Variants in PMFBP1 observed in about 807,000 individuals in gnomAD.
PMFBP1 encodes the protein polyamine-modulated factor 1-binding protein 1.
Under a neutral mutation model 137.8 loss-of-function variants are expected in PMFBP1, and 131 were observed. That is an observed-to-expected ratio of 0.95 (90% confidence interval 0.82 to 1.10). The LOEUF (loss-of-function observed/expected upper bound fraction) is 1.10. Ranked by LOEUF, PMFBP1 falls within the 50% of genes least tolerant of loss-of-function variation. The probability of loss-of-function intolerance (pLI) is 0.00; values close to 1 mark genes in which losing one functional copy is unlikely to be tolerated. For missense variants in PMFBP1, 1,199 were observed against 1,175.4 expected (o/e 1.02, Z -0.29); for synonymous variants, 490 against 450.4 (o/e 1.09, Z -1.11).
the PMFBP1 span, among the ~76,000 whole-genome samples, chr16:72,190,342 A>G: frequency 6.6e-6 from 1 of 152,198 alleles, no homozygotes; most frequent in Non-Finnish European, 1.5e-5. Flanking sequence ...GAGTGTGGAC[A>G]GCCAGCTCGT....
the PMFBP1 span, among the ~76,000 whole-genome samples, chr16:72,241,074 T>C: frequency 6.6e-6 from 1 of 152,146 alleles, no homozygotes; most frequent in Non-Finnish European, 1.5e-5. Flanking sequence ...AAAGAAGATA[T>C]GTAGGTATTT....
the PMFBP1 span, among the ~76,000 whole-genome samples, chr16:72,199,379 T>A: frequency 6.6e-6 from 1 of 152,104 alleles, no homozygotes; most frequent in Non-Finnish European, 1.5e-5. Context: ...TGTGGCTGGG[T>A]GCGGTGGCTC....
intron 3 of PMFBP1, among the ~76,000 whole-genome samples, chr16:72,160,535 C>T (rs966991546): frequency 2.0e-5 from 3 of 152,012 alleles, no homozygotes; most frequent in Non-Finnish European, 4.4e-5. Flanking sequence ...TTCTAGTTTG[C>T]GCTGACTAGG....
chr16:72,165,358 A>G (rs1009299614), intron 2 of PMFBP1, among the ~76,000 whole-genome samples: 2 of 151,740 alleles, frequency 1.3e-5, no homozygotes, highest in African/African-American at 2.4e-5. Flanking sequence ...TTTCTCTTCT[A>G]CCCACTAGAC....
chr16:72,122,242 G>C (rs1293585947), intron 19 of PMFBP1, among the ~76,000 whole-genome samples: 1 of 152,174 alleles, frequency 6.6e-6, no homozygotes, highest in Non-Finnish European at 1.5e-5. Context: ...CTTTTTGATA[G>C]CTGCATAGTA....
At chr16:72,178,388 A>G (rs2043265658), upstream of PMFBP1, among the ~76,000 whole-genome samples, 1 of 152,220 alleles carries the variant, frequency 6.6e-6, no homozygotes, top group Admixed American at 6.5e-5. Context: ...TTAAGAGTAT[A>G]CAAATATCCT....
chr16:72,122,846 C>T, intron 19 of PMFBP1, 68 bp downstream of exon 19: 1 of 1,476,760 alleles, frequency 6.8e-7, no homozygotes, highest in South Asian at 1.2e-5. Context: ...CTAAAGCCAG[C>T]CCTGGCTCCC....
chr16:72,164,263 C>T, intron 3 of PMFBP1: 1 of 513,308 alleles, frequency 1.9e-6, no homozygotes, highest in South Asian at 1.8e-5. Flanking sequence ...TCTTGAGAAC[C>T]TGAGCTTGTC....
chr16:72,140,448 T>C lies in PMFBP1; in HGVS notation c.771A>G (p.Gln257=), dbSNP rs562805719. Residue 257 remains glutamine (Q), a synonymous_variant, in exon 6 of 21, where the codon CAA becomes CAG. Coordinates refer to ENST00000237353, the MANE Select transcript of PMFBP1 (RefSeq NM_031293.3). The stretch of plus-strand genomic sequence containing the variant: ...TGCAGGCCAGCTTATTTCGAAGTTC[T>C]TGAATGAGATCATCCTGTTGAGAGA... ...QKVSQQDDLI[Q]ELRNKLACSN... The C allele has an allele frequency of 1.9e-6, 3 of 1,614,112 alleles. No homozygotes were observed. The highest frequency in any genetic ancestry group is 2.5e-6 in the Non-Finnish European group (3 of 1,179,946).
At chr16:72,117,551 T>C (rs1312247094), downstream of PMFBP1, among the ~76,000 whole-genome samples, 1 of 152,246 alleles carries the variant, frequency 6.6e-6, no homozygotes, top group African/African-American at 2.4e-5. Context: ...CGATGCTGAA[T>C]AGAAGTGGCA....
At chr16:72,163,072 C>A (rs1317985278) in intron 3 of PMFBP1, among the ~76,000 whole-genome samples, 1 of 152,196 alleles carries the variant, frequency 6.6e-6, no homozygotes, top group Non-Finnish European at 1.5e-5. Context: ...CTAATAGATG[C>A]AATGAAAAGA....
At chr16:72,136,965 G>C in intron 7 of PMFBP1, 146 bp from the exon 8 acceptor site, 1 of 1,105,432 alleles carries the variant, frequency 9.0e-7, no homozygotes, top group Non-Finnish European at 1.3e-6. Flanking sequence ...GGTGTGCGGA[G>C]TGACTGCTAA....
intron 15 of PMFBP1, among the ~76,000 whole-genome samples, chr16:72,125,607 C>G (rs1567620626): frequency 6.6e-6 from 1 of 152,146 alleles, no homozygotes; most frequent in Non-Finnish European, 1.5e-5. Flanking sequence ...CTACCCACTC[C>G]CTCCATTTCT....
the PMFBP1 span, among the ~76,000 whole-genome samples, chr16:72,181,904 T>G: frequency 6.2e-3 from 952 of 152,356 alleles, 5 homozygotes; most frequent in Middle Eastern, 0.02. Flanking sequence ...CTGAGCCACA[T>G]TGGAAGAAGA....
upstream of PMFBP1, among the ~76,000 whole-genome samples, chr16:72,173,229 C>T (rs1360554410): frequency 2.6e-5 from 4 of 152,152 alleles, no homozygotes; most frequent in East Asian, 7.7e-4. Flanking sequence ...AGTGCTCTAC[C>T]ACGATGGACA....
rs570466019 is a variant in PMFBP1, at chr16:72,147,522, A to G, written c.636+3086T>C. Among the ~76,000 whole-genome samples the G allele has an allele frequency of 1.9e-3, 286 of 152,336 alleles. 1 individual carries two copies. Among genetic ancestry groups the G allele is most frequent in the South Asian group, 0.012 (56 of 4,830 alleles). ...TGGCAACTAAAGCCAAAATAGACAAATGGGATCTCATTAAACTAAAGAGCT... is the reference window on the plus strand; with the variant it reads ...TGGCAACTAAAGCCAAAATAGACAAGTGGGATCTCATTAAACTAAAGAGCT... On this transcript the variant is annotated intron_variant, in intron 5 of 20. Coordinates refer to ENST00000237353, the MANE Select transcript of PMFBP1 (RefSeq NM_031293.3).
intron 10 of PMFBP1, among the ~76,000 whole-genome samples, chr16:72,131,114 A>G (rs1489668799): frequency 6.6e-6 from 1 of 152,202 alleles, no homozygotes; most frequent in Non-Finnish European, 1.5e-5. Context: ...CACATGGGTT[A>G]GAACGCTTGG....
the PMFBP1 span, among the ~76,000 whole-genome samples, chr16:72,188,420 T>G: frequency 2.0e-5 from 3 of 152,230 alleles, no homozygotes; most frequent in Non-Finnish European, 2.9e-5. Context: ...CCTAAGCACC[T>G]ATTGCCACCT....
At chr16:72,117,486 A>G (rs533980785), downstream of PMFBP1, among the ~76,000 whole-genome samples, 1 of 152,160 alleles carries the variant, frequency 6.6e-6, no homozygotes, top group East Asian at 1.9e-4. Flanking sequence ...CTTCCTTTCC[A>G]GTTTGAATCC....
Sources: gnomAD v4.1 joint callset for allele counts (sites outside exome capture counted in the v4.1 genomes callset) on GRCh38, gnomAD v4.1.1 for gene constraint, MANE v1.5 for transcripts, NCBI Gene and HGNC (gene_info 2026-07-23, HGNC 2026-07-21) for gene names.